The following CFAP46 variants were observed in gnomAD, a reference collection of about 807,000 sequenced individuals.
The protein encoded by CFAP46 is cilia and flagella associated protein 46, also known as cilia- and flagella-associated protein 46.
In CFAP46, 245 loss-of-function variants were observed where a neutral mutation model predicts 325.7. The ratio of observed to expected loss-of-function variants is 0.75; its 90% CI spans 0.68 to 0.84. The LOEUF (loss-of-function observed/expected upper bound fraction) is 0.84. Ranked by LOEUF, CFAP46 falls within the 40% of genes least tolerant of loss-of-function variation. The pLI is 0.00. For missense variants in CFAP46, 3,346 were observed against 3,543.0 expected (o/e 0.94, Z 1.41); for synonymous variants, 1,523 against 1,495.9 (o/e 1.02, Z -0.42).
intron 44 of CFAP46, among the ~76,000 whole-genome samples, chr10:132,842,117 T>C (rs1287108632): frequency 2.6e-5 from 4 of 152,250 alleles, no homozygotes; most frequent in Non-Finnish European, 5.9e-5. Context: ...GATAATTCCA[T>C]CTCCGAGTTA....
intron 13 of CFAP46, among the ~76,000 whole-genome samples, chr10:132,920,412 G>C (rs941131187): frequency 2.0e-5 from 3 of 152,170 alleles, no homozygotes; most frequent in Non-Finnish European, 4.4e-5. Context: ...CTCTGAGTGG[G>C]GGAGGCTCCA....
chr10:132,849,559 C>T (rs540936173), intron 41 of CFAP46, among the ~76,000 whole-genome samples: 16 of 152,286 alleles, frequency 1.1e-4, no homozygotes, highest in Admixed American at 4.6e-4. Context: ...TGGGGCCTTG[C>T]GTGGCTTGTA....
At chr10:132,856,758 T>C (rs1457018920) in intron 39 of CFAP46, among the ~76,000 whole-genome samples, 2 of 152,268 alleles carry the variant, frequency 1.3e-5, no homozygotes, top group African/African-American at 4.8e-5. Flanking sequence ...ATCAATTTGC[T>C]TTTGATTGAT....
rs1396523515 is a variant in CFAP46 at position 132,886,701 on chromosome 10, T to G, written c.3305-742A>C. Among the ~76,000 whole-genome samples the G allele has an allele frequency of 2.0e-5, 3 of 152,296 alleles. No homozygotes were observed. Among genetic ancestry groups the G allele is most frequent in the Middle Eastern group, 3.4e-3 (1 of 294 alleles). On this transcript the variant is annotated intron_variant, in intron 25 of 57. Transcript: ENST00000368586. This position sits in a 1 kb window ranked among gnomAD's most constrained non-coding sequence, Gnocchi z 5.8. ...AGTGAGCACAGAACCCAGCCCACTC[T>G]GCCACCTTCCGGCCAAGAGTCCTTT...
At chr10:132,934,948 TTG>T in intron 7 of CFAP46, 86 bp from the exon 8 acceptor site, 1 of 899,416 alleles carries the variant, frequency 1.1e-6, no homozygotes, top group Non-Finnish European at 1.8e-6. Flanking sequence ...GTGTATGAAA[TTG>T]TGTTTCTCAC....
At chr10:132,885,078 T>C in intron 27 of CFAP46, 25 bp downstream of exon 27, 7 of 1,529,862 alleles carry the variant, frequency 4.6e-6, no homozygotes, top group Non-Finnish European at 6.2e-6. Context: ...TTTTACCACG[T>C]GCACCCACGC....
chr10:132,908,991 C>T (rs965760345), intron 21 of CFAP46, 146 bp downstream of exon 21: 11 of 635,936 alleles, frequency 1.7e-5, no homozygotes, highest in Non-Finnish European at 2.2e-5. Context: ...GTCGAGGGGG[C>T]GCAGCTCCGT....
intron 35 of CFAP46, among the ~76,000 whole-genome samples, chr10:132,863,257 G>A (rs539932957): frequency 1.1e-4 from 17 of 152,248 alleles, no homozygotes; most frequent in Admixed American, 4.6e-4. Flanking sequence ...CCCGACCCCG[G>A]GGTGAGGGAG....
At position 132,859,081 on chromosome 10, in the gene CFAP46, T is replaced by C; in HGVS notation, c.5365A>G (p.Lys1789Glu). 6.4e-7 allele frequency: 1 copy of C among 1,550,730 alleles called. No individual in the cohort carries two copies. The highest frequency in any genetic ancestry group is 8.7e-7 in the Non-Finnish European group (1 of 1,146,904). Residue 1789 changes from lysine to glutamate, a missense_variant, in exon 38 of 58, where the codon AAG becomes GAG. Physicochemically the swap from Lys to Glu is moderately conservative, Grantham distance 56. Coordinates refer to ENST00000368586, the MANE Select transcript of CFAP46 (RefSeq NM_001200049.3). ...NCVDVKLERA[K>E]IKRLRAQNEK... ...TGGAGGCAGCCTTACCTCTTGATCT[T>C]CGCACGCTCTAGTTTTACGTCAACA...
chr10:132,829,853 C>A (rs546211458), intron 50 of CFAP46, among the ~76,000 whole-genome samples: 4 of 152,108 alleles, frequency 2.6e-5, no homozygotes, highest in Non-Finnish European at 5.9e-5. Context: ...AAATTAATTA[C>A]CCTTGTATTT....
chr10:132,865,978 C>G, intron 35 of CFAP46, 47 bp downstream of exon 35: 1 of 1,446,168 alleles, frequency 6.9e-7, no homozygotes, highest in Non-Finnish European at 9.1e-7. Flanking sequence ...GTGCACAGTG[C>G]GCTGGGAGCG....
chr10:132,936,990 T>C lies in CFAP46; in HGVS notation c.726A>G (p.Ser242=). ...TTAGCATATTAATATAGAAAGTGAC[T>C]GACAGGCTAATGGAATTTTTCTTTT... ...KEEKKNSISL[S]VTFYINMLKA... The change falls in exon 7 of 58, where the codon TCA becomes TCG. Residue 242 remains serine, a synonymous_variant. Transcript: ENST00000368586. The C allele has an allele frequency of 6.5e-7, 1 of 1,547,116 alleles. No homozygotes were observed. Among genetic ancestry groups the C allele is most frequent in the Non-Finnish European group, 8.8e-7 (1 of 1,137,762 alleles).
rs1269888002 is a variant in CFAP46, at chr10:132,934,753, T to G, written c.865A>C (p.Lys289Gln). Residue 289 changes from lysine to glutamine, a missense_variant and splice_region_variant, in exon 8 of 58, where the codon AAA (lysine) becomes CAA (glutamine). Coordinates refer to ENST00000368586, the MANE Select transcript of CFAP46 (RefSeq NM_001200049.3). ...TATTGGAAAAATACAAACACTTACT[T>G]TTCTTCACTGATAGAGGGAAAGCGC... ...HQRFPSISEE[K>Q]MLLLFELARF... 1 of 1,582,686 alleles carries G rather than the reference T, an allele frequency of 6.3e-7. No individual in the cohort carries two copies. Among genetic ancestry groups the G allele is most frequent in the East Asian group, 2.2e-5 (1 of 44,708 alleles).
chr10:132,842,850 A>G (rs1848366714), intron 44 of CFAP46, among the ~76,000 whole-genome samples: 1 of 152,094 alleles, frequency 6.6e-6, no homozygotes, highest in South Asian at 2.1e-4. Context: ...TCCTCTTCTC[A>G]TACAGCCATC....
intron 33 of CFAP46, 67 bp from the exon 34 acceptor site, chr10:132,867,574 C>T (rs1848834798): frequency 6.6e-7 from 1 of 1,512,872 alleles, no homozygotes. Flanking sequence ...TCACGAGTAA[C>T]CAAAGAAACG....
In CFAP46 at chr10:132,850,225, T is replaced by C; in HGVS notation, c.5952+19A>G. On this transcript the variant is annotated intron_variant, in intron 41 of 57. Transcript: ENST00000368586. ...ACTGGTGTTGGAGCCAGACTTGGGA[T>C]AGAAGCAGGAGCACCTACCGAGGGG... 6.5e-6 allele frequency: 10 copies of C among 1,550,022 alleles called. No individual in the cohort carries two copies. Among genetic ancestry groups the C allele is most frequent in the Non-Finnish European group, 8.7e-6 (10 of 1,146,604 alleles).
At position 132,863,380 on chromosome 10, in the gene CFAP46, C is replaced by T. The variant is rs560721319; in HGVS notation, c.4891-2398G>A. 2.6e-4 allele frequency among the ~76,000 whole-genome samples: 40 copies of T among 152,284 alleles called. 1 individual carries two copies. In the South Asian group the frequency reaches 3.9e-3, roughly 15 times the overall value. ...AGAGGCTGGCCCTCTTCTGTGTCTG[C>T]GGCTAAAAGAATGCTGCACCCATGT... On this transcript the variant is annotated intron_variant, in intron 35 of 57. Coordinates refer to ENST00000368586, the MANE Select transcript of CFAP46 (RefSeq NM_001200049.3).
chr10:132,837,094 C>G, intron 44 of CFAP46, 180 bp from the exon 45 acceptor site: 1 of 552,610 alleles, frequency 1.8e-6, no homozygotes, highest in Non-Finnish European at 3.2e-6. Context: ...GGGCTGCCAC[C>G]AGGGGGCAGC....
intron 29 of CFAP46, among the ~76,000 whole-genome samples, chr10:132,878,882 C>T (rs1178704788): frequency 6.6e-6 from 1 of 152,202 alleles, no homozygotes; most frequent in African/African-American, 2.4e-5. Flanking sequence ...GAGGCCTAGA[C>T]AGACGCACGG....
Sources: gnomAD v4.1 joint callset for allele counts (sites outside exome capture counted in the v4.1 genomes callset) on GRCh38, gnomAD v4.1.1 for gene constraint, Gnocchi (gnomAD v3.1) non-coding constraint, MANE v1.5 for transcripts, NCBI Gene and HGNC (gene_info 2026-07-23, HGNC 2026-07-21) for gene names.